GLT1D1: variants seen among roughly 807,000 people sequenced by gnomAD.
GLT1D1 encodes glycosyltransferase 1 domain containing 1, also known as glycosyltransferase 1 domain-containing protein 1.
In GLT1D1, 21 loss-of-function variants were observed where a neutral mutation model predicts 28.7. That is an observed-to-expected ratio of 0.73 (90% CI 0.52 to 1.05). GLT1D1 has a LOEUF of 1.05. GLT1D1 is among the 50% of genes least tolerant of loss of function. GLT1D1 has a pLI of 0.00. For synonymous variants in GLT1D1, 147 were observed against 124.8 expected, an observed-to-expected ratio of 1.18 and a Z score of -1.19; for missense variants, 343 against 330.6, an observed-to-expected ratio of 1.04 and a Z score of -0.29.
chr12:128,879,462 T>TTTCTTTCTTTCTTTC (rs1555262493), intron 2 of GLT1D1, among the ~76,000 whole-genome samples: 7 of 85,958 alleles, frequency 8.1e-5, no homozygotes, highest in Admixed American at 1.4e-4. Flanking sequence ...TTCTTTCTTT[T>TTTCTTTCTTTCTTTC]TTTTGGGGGG....
chr12:128,857,601 A>T (rs970489441), intron 1 of GLT1D1, among the ~76,000 whole-genome samples: 3 of 152,062 alleles, frequency 2.0e-5, no homozygotes, highest in African/African-American at 7.2e-5. Flanking sequence ...AGTCCCTGTG[A>T]TCTAATCAGC....
intron 6 of GLT1D1, among the ~76,000 whole-genome samples, chr12:128,950,066 TGTAA>T (rs1405622119): frequency 2.0e-5 from 3 of 152,150 alleles, no homozygotes; most frequent in Admixed American, 6.5e-5. Flanking sequence ...TGTGTGTGTC[TGTAA>T]GTGTTTGTAA....
rs748136056 is a variant in GLT1D1, at chr12:128,899,253, C to G, written c.341C>G (p.Thr114Arg). 8 of 1,613,218 alleles carry G rather than the reference C, an allele frequency of 5.0e-6. No homozygotes were observed. In the South Asian group the frequency reaches 8.8e-5, roughly 18 times the overall value. The stretch of plus-strand genomic sequence containing the variant: ...TTTACTAGATTTGCTGTCGCTTTCA[C>G]AGAGTCAATGAAGGAAATGGCACAA... The change falls in exon 4 of 8, where the codon ACA becomes AGA. Residue 114 changes from threonine to arginine, a missense_variant. Coordinates refer to ENST00000281703, the MANE Select transcript of GLT1D1 (RefSeq NM_144669.3).
intron 2 of GLT1D1, among the ~76,000 whole-genome samples, chr12:128,884,525 AAG>A (rs1170832589): frequency 1.8e-4 from 27 of 152,324 alleles, no homozygotes; most frequent in African/African-American, 5.8e-4. Flanking sequence ...GAAAATTGCT[AAG>A]AGAGGGGCCA....
At chr12:128,901,034 C>A (rs1870198460) in intron 4 of GLT1D1, among the ~76,000 whole-genome samples, 1 of 152,202 alleles carries the variant, frequency 6.6e-6, no homozygotes, top group African/African-American at 2.4e-5. Context: ...GGGACTCTTT[C>A]AGGGCCTCCG....
At chr12:128,874,047 C>G (rs1230342528) in intron 1 of GLT1D1, among the ~76,000 whole-genome samples, 1 of 64,864 alleles carries the variant, frequency 1.5e-5, no homozygotes, top group Non-Finnish European at 2.7e-5. Flanking sequence ...CTCCCTGCCT[C>G]CCTCCCTCCC....
At chr12:128,959,413 G>GGGGGT (rs1877668087) in intron 7 of GLT1D1, among the ~76,000 whole-genome samples, 1 of 87,274 alleles carries the variant, frequency 1.1e-5, no homozygotes, top group Admixed American at 1.2e-4. Context: ...TGAGGCAGTG[G>GGGGGT]GGGGGGACGG....
Position 128,947,391 on chromosome 12 carries a change from T to C in GLT1D1, c.473T>C (p.Val158Ala), listed in dbSNP as rs2135494616. ...ATGCCTCAAGAAGATCTGCACGCGG[T>C]GGTGAAGAATTGCTTCGCGGTGGTG... Residue 158 changes from valine (V) to alanine (A), a missense_variant, in exon 6 of 8, where the codon GTG becomes GCG. Val to Ala is a moderately conservative substitution (Grantham distance 64, BLOSUM62 0). Transcript: ENST00000281703. 6.2e-7 allele frequency: 1 copy of C among 1,613,970 alleles called. No individual in the cohort carries two copies. The highest frequency in any genetic ancestry group is 8.5e-7 in the Non-Finnish European group (1 of 1,179,900).
chr12:128,914,688 C>A (rs934650264), intron 4 of GLT1D1, among the ~76,000 whole-genome samples: 1 of 151,906 alleles, frequency 6.6e-6, no homozygotes, highest in Non-Finnish European at 1.5e-5. Flanking sequence ...GGTGTGGCAG[C>A]GGGCGCCTAT....
At chr12:128,951,803 G>T (rs1365898750) in intron 6 of GLT1D1, among the ~76,000 whole-genome samples, 1 of 152,194 alleles carries the variant, frequency 6.6e-6, no homozygotes, top group Admixed American at 6.5e-5. Context: ...ACATTTTGTT[G>T]GTTTTCCGAG....
chr12:128,866,723 C>T (rs1264737970), intron 1 of GLT1D1, among the ~76,000 whole-genome samples: 6 of 151,566 alleles, frequency 4.0e-5, no homozygotes, highest in East Asian at 2.0e-4. Context: ...CTGGTTCAAG[C>T]GATTCTCCTG....
chr12:128,882,898 T>TTATC (rs1399427725), intron 2 of GLT1D1, among the ~76,000 whole-genome samples: 1 of 61,918 alleles, frequency 1.6e-5, no homozygotes, highest in Non-Finnish European at 3.4e-5. Context: ...CTCTTTCTAT[T>TTATC]TATTTATTTA....
chr12:128,935,741 C>T (rs1471637431), intron 4 of GLT1D1, among the ~76,000 whole-genome samples: 1 of 152,174 alleles, frequency 6.6e-6, no homozygotes, highest in Admixed American at 6.5e-5. Flanking sequence ...ACTGGGACTG[C>T]AGGCTTGTGC....
intron 7 of GLT1D1, among the ~76,000 whole-genome samples, chr12:128,960,593 C>T (rs1263489038): frequency 6.6e-6 from 1 of 151,798 alleles, no homozygotes; most frequent in Non-Finnish European, 1.5e-5. Flanking sequence ...CCTGTCTCTA[C>T]TAAAAATATG....
At chr12:128,975,456 A>T (rs73153482) in intron 7 of GLT1D1, among the ~76,000 whole-genome samples, 79,542 of 150,492 alleles carry the variant, frequency 0.53, 21,188 homozygotes, top group Admixed American at 0.63. Flanking sequence ...TTTGTTTTTT[A>T]TTTTTTTCTT....
At chr12:128,913,305 C>T (rs529365876) in intron 4 of GLT1D1, among the ~76,000 whole-genome samples, 9 of 152,196 alleles carry the variant, frequency 5.9e-5, no homozygotes, top group South Asian at 2.1e-4. Context: ...CGTCAACCTC[C>T]GCCTCCTGGG....
At chr12:128,890,243 C>G (rs1048803590) in intron 3 of GLT1D1, among the ~76,000 whole-genome samples, 1 of 152,176 alleles carries the variant, frequency 6.6e-6, no homozygotes, top group Non-Finnish European at 1.5e-5. Context: ...GTAAAACACG[C>G]CTTCTCTGCG....
At chr12:128,853,750 C>A in intron 1 of GLT1D1, 101 bp downstream of exon 1, 2 of 766,470 alleles carry the variant, frequency 2.6e-6, no homozygotes, top group Non-Finnish European at 3.2e-6. Context: ...CCCCCTCCAG[C>A]CGCGCCGGGG....
chr12:128,896,507 A>G (rs1372637300), intron 3 of GLT1D1, among the ~76,000 whole-genome samples: 5 of 151,124 alleles, frequency 3.3e-5, no homozygotes, highest in Admixed American at 6.6e-5. Flanking sequence ...TTAATTACTT[A>G]CATTTGTATG....
Sources: gnomAD v4.1 joint callset for allele counts (sites outside exome capture counted in the v4.1 genomes callset) on GRCh38, gnomAD v4.1.1 for gene constraint, MANE v1.5 for transcripts, NCBI Gene and HGNC (gene_info 2026-07-23, HGNC 2026-07-21) for gene names.